The following ARFGEF1 variants were observed in gnomAD, a reference collection of about 807,000 sequenced individuals.
ARFGEF1 encodes the protein ARF guanine nucleotide exchange factor 1.
ARFGEF1 carries 42 observed loss-of-function variants against 231.0 expected under a neutral mutation model. The observed-to-expected ratio is 0.18, with a 90% CI of 0.14 to 0.24. The LOEUF (loss-of-function observed/expected upper bound fraction) is 0.24, where lower values mean the gene tolerates loss of function less well. Among genes scored for constraint, ARFGEF1 ranks in the 10% least tolerant of loss-of-function variants. The pLI is 1.00. For missense variants in ARFGEF1, 1,345 were observed against 2,192.0 expected (o/e 0.61, Z 7.72); for synonymous variants, 710 against 732.3 (o/e 0.97, Z 0.49).
chr8:67,326,109 G>A (rs923011872), intron 1 of ARFGEF1, among the ~76,000 whole-genome samples: 1 of 152,198 alleles, frequency 6.6e-6, no homozygotes, highest in African/African-American at 2.4e-5. Flanking sequence ...TGAGGTAGGA[G>A]AATCACTTGA....
intron 10 of ARFGEF1, among the ~76,000 whole-genome samples, chr8:67,270,733 A>C (rs1286751357): frequency 2.7e-5 from 4 of 148,864 alleles, no homozygotes; most frequent in Non-Finnish European, 4.5e-5. Context: ...AAAAAAAAAA[A>C]ACCACATAAA....
intron 1 of ARFGEF1, among the ~76,000 whole-genome samples, chr8:67,339,017 C>CA (rs1808475104): frequency 2.0e-5 from 3 of 152,018 alleles, no homozygotes; most frequent in African/African-American, 4.8e-5. Flanking sequence ...ACTCCACCAA[C>CA]AAAAATAAGG....
intron 34 of ARFGEF1, 127 bp downstream of exon 34, chr8:67,211,345 CAAAAAAAAAAA>C (rs375793043): frequency 6.9e-5 from 17 of 247,332 alleles, no homozygotes; most frequent in Non-Finnish European, 1.0e-4. Context: ...AACTCCGTCT[CAAAAAAAAAAA>C]AAAAAAAAAG....
At chr8:67,288,741 A>G (rs993106678) in intron 6 of ARFGEF1, among the ~76,000 whole-genome samples, 2 of 152,168 alleles carry the variant, frequency 1.3e-5, no homozygotes, top group Non-Finnish European at 2.9e-5. Flanking sequence ...TCAAAAAAAA[A>G]AAGTAATTAA....
chr8:67,178,297 GAATGATA>G (rs1361822146), intron 5 of ARFGEF1, among the ~76,000 whole-genome samples: 1 of 152,134 alleles, frequency 6.6e-6, no homozygotes, highest in East Asian at 1.9e-4. Context: ...AGGGAACAGA[GAATGATA>G]ACACCCACCT....
chr8:67,301,253 T>C lies in ARFGEF1; in HGVS notation c.283A>G (p.Ile95Val). 5 of 1,613,670 alleles carry C rather than the reference T, an allele frequency of 3.1e-6. No homozygotes were observed. Among genetic ancestry groups the C allele is most frequent in the Non-Finnish European group, 4.2e-6 (5 of 1,179,914 alleles). ...AAGCAATCTAGAGATGTACTAACTA[T>C]GCGAGGACATTTGGACTGGCATGCC... The part of the protein sequence containing the change: ...ELACQSKCPR[I>V]VSTSLDCLQK... Residue 95 changes from isoleucine to valine, a missense_variant, in exon 3 of 39, where the codon ATA (isoleucine) becomes GTA (valine). By Grantham distance (29) the Ile-to-Val change is conservative. Coordinates refer to ENST00000262215, the MANE Select transcript of ARFGEF1 (RefSeq NM_006421.5).
rs11320985 is a variant in ARFGEF1 at position 67,297,800 on chromosome 8, G to GT, written c.460-1191dup. Among the ~76,000 whole-genome samples, 1,145 of 142,266 alleles carry GT rather than the reference G, an allele frequency of 8.0e-3. 11 individuals carry two copies. The highest frequency in any genetic ancestry group is 0.016 in the African/African-American group (632 of 38,736). 93.3% of individuals were successfully genotyped at this position (142,266 alleles called of 152,430 possible). The stretch of plus-strand genomic sequence containing the variant: ...CATGATAGGTCAAAATGATCAACCC[G>GT]TTTTTTTTTTTTTTCTTTTTTGAGA... On this transcript the variant is annotated intron_variant, in intron 4 of 38. Transcript: ENST00000262215.
At chr8:67,204,625 C>CCTACT in intron 35 of ARFGEF1, 55 bp downstream of exon 35, 1 of 1,565,822 alleles carries the variant, frequency 6.4e-7, no homozygotes, top group South Asian at 1.2e-5. Flanking sequence ...GCCCAGACTG[C>CCTACT]TATACCTAAC....
At chr8:67,332,456 C>G (rs967686480) in intron 1 of ARFGEF1, among the ~76,000 whole-genome samples, 1 of 152,172 alleles carries the variant, frequency 6.6e-6, no homozygotes. Context: ...TGACACTTTA[C>G]TTTAAAATTA....
chr8:67,176,913 A>G (rs550137330), intron 5 of ARFGEF1, among the ~76,000 whole-genome samples: 1 of 152,184 alleles, frequency 6.6e-6, no homozygotes, highest in South Asian at 2.1e-4. Context: ...TCTACTAAAA[A>G]TACAGAAATT....
At chr8:67,338,017 T>C (rs543110777) in intron 1 of ARFGEF1, among the ~76,000 whole-genome samples, 1 of 152,342 alleles carries the variant, frequency 6.6e-6, no homozygotes, top group Admixed American at 6.5e-5. Context: ...CCTTCCTCCA[T>C]TATGTGAGGA....
At chr8:67,195,664 T>TC, downstream of ARFGEF1, 1 of 1,375,652 alleles carries the variant, frequency 7.3e-7, no homozygotes, top group Non-Finnish European at 1.0e-6. Context: ...CTTTAATATG[T>TC]CCTACTTTTG....
chr8:67,251,345 G>A lies in ARFGEF1; in HGVS notation c.2804C>T (p.Pro935Leu). Residue 935 changes from proline to leucine, a missense_variant, in exon 19 of 39, where the codon CCC becomes CTC. Around this residue, in one of 14 missense-constraint regions of ARFGEF1, gnomAD observed 9 missense variants for 58.7 expected, o/e 0.15. Transcript: ENST00000262215. ...CTCCAAATGTGTTGCACTTGTAAAGGGTGCCTGAACATGGCTCACGGCCTC... is the reference window on the plus strand; with the variant it reads ...CTCCAAATGTGTTGCACTTGTAAAGAGTGCCTGAACATGGCTCACGGCCTC... ...LMEAVSHVQA[P>L]FTSATHLEHV... The A allele has an allele frequency of 6.2e-7, 1 of 1,611,246 alleles. No individual in the cohort carries two copies. The highest frequency in any genetic ancestry group is 8.5e-7 in the Non-Finnish European group (1 of 1,178,542).
chr8:67,187,260 A>G (rs1279965907), intron 5 of ARFGEF1, among the ~76,000 whole-genome samples: 4 of 152,234 alleles, frequency 2.6e-5, no homozygotes, highest in African/African-American at 9.6e-5. Context: ...CAGAATAGCC[A>G]GCACAATGTT....
In ARFGEF1 at chr8:67,200,528, G is replaced by A. The variant is rs1838289345; in HGVS notation, c.5268-15C>T. ...CACTGCAGACACTGCAAAAGAAAAGGTTTCCTTTAATGTTACTTGCGTATC... is the reference window on the plus strand; with the variant it reads ...CACTGCAGACACTGCAAAAGAAAAGATTTCCTTTAATGTTACTTGCGTATC... On this transcript the variant is annotated splice_polypyrimidine_tract_variant and intron_variant, in intron 37 of 38. Coordinates refer to ENST00000262215, the MANE Select transcript of ARFGEF1 (RefSeq NM_006421.5). The A allele has an allele frequency of 1.3e-6, 2 of 1,504,638 alleles. No homozygotes were observed. Among genetic ancestry groups the A allele is most frequent in the Middle Eastern group, 1.7e-4 (1 of 5,848 alleles). 93.2% of individuals were successfully genotyped at this position (1,504,638 alleles called of 1,614,324 possible).
downstream of ARFGEF1, chr8:67,195,961 T>G (rs969957502): frequency 5.0e-5 from 9 of 180,182 alleles, no homozygotes; most frequent in Admixed American, 1.6e-4. Flanking sequence ...TTTTCCATTG[T>G]TACCTCGATG....
Position 67,240,031 on chromosome 8 carries a change from A to AT in ARFGEF1, c.2979+130dup, listed in dbSNP as rs1839883342. On this transcript the variant is annotated intron_variant, in intron 20 of 38. Transcript: ENST00000262215. Reference sequence around the variant, plus strand: ...CTCAGAAGCTTAAACATTAAGATTCATTTAAATTCCATCATAAACTTGAAA... The same window carrying AT: ...CTCAGAAGCTTAAACATTAAGATTCATTTTAAATTCCATCATAAACTTGAAA... 2.4e-5 allele frequency: 30 copies of AT among 1,255,314 alleles called. No homozygotes were observed. The South Asian group carries it at 4.3e-4, about 18-fold the overall frequency. The allele number at this position is 1,255,314 out of a possible 1,614,324, so 77.8% of individuals were successfully genotyped here.
Position 67,232,879 on chromosome 8 carries a change from T to C in ARFGEF1, c.3356A>G (p.Gln1119Arg). 6.2e-7 allele frequency: 1 copy of C among 1,610,146 alleles called. No individual in the cohort carries two copies. Among genetic ancestry groups the C allele is most frequent in the Non-Finnish European group, 8.5e-7 (1 of 1,177,540 alleles). The change falls in exon 23 of 39, where the codon CAG becomes CGG. Residue 1119 changes from glutamine to arginine, a missense_variant. Around this residue, in one of 14 missense-constraint regions of ARFGEF1, gnomAD observed 146 missense variants for 321.4 expected, o/e 0.45. Coordinates refer to ENST00000262215, the MANE Select transcript of ARFGEF1 (RefSeq NM_006421.5). The part of the protein sequence containing the change: ...IQESIGETSS[Q>R]SVVVAVDRIF... ...CCTATCTACAGCAACAACAACACTC[T>C]GAGAACTGGTTTCTCCAATGGATTC...
At chr8:67,253,421 A>T (rs758801429) in intron 18 of ARFGEF1, 30 bp downstream of exon 18, 3 of 1,458,170 alleles carry the variant, frequency 2.1e-6, no homozygotes, top group Non-Finnish European at 2.8e-6. Context: ...CCCCTTGAAC[A>T]ATCAGAATTC....
Sources: gnomAD v4.1 joint callset for allele counts (sites outside exome capture counted in the v4.1 genomes callset) on GRCh38, gnomAD v4.1.1 for gene constraint, gnomAD v4.1.1 regional missense constraint, MANE v1.5 for transcripts, NCBI Gene and HGNC (gene_info 2026-07-23, HGNC 2026-07-21) for gene names.